The following PTPRD variants were observed in gnomAD, a reference collection of about 807,000 sequenced individuals.
PTPRD encodes protein tyrosine phosphatase receptor type D.
PTPRD carries 34 observed loss-of-function variants against 214.5 expected under a neutral mutation model. That is an observed-to-expected ratio of 0.16 (90% CI 0.12 to 0.21). The LOEUF (loss-of-function observed/expected upper bound fraction) is 0.21. Ranked by LOEUF, PTPRD falls within the 10% of genes least tolerant of loss-of-function variation. The pLI, the probability that PTPRD is intolerant of heterozygous loss-of-function variation, is 1.00. For missense variants in PTPRD, 2,545 were observed against 2,398.7 expected (o/e 1.06, Z -1.27); for synonymous variants, 1,128 against 845.7 (o/e 1.33, Z -5.79).
chr9:10,478,209 A>G (rs978753810), intron 2 of PTPRD, among the ~76,000 whole-genome samples: 2 of 152,190 alleles, frequency 1.3e-5, no homozygotes, highest in Non-Finnish European at 2.9e-5. Flanking sequence ...CTAGAAAAGT[A>G]TAGTCATTAT....
At chr9:9,140,853 C>T (rs1456647774) in intron 10 of PTPRD, among the ~76,000 whole-genome samples, 1 of 152,154 alleles carries the variant, frequency 6.6e-6, no homozygotes, top group Non-Finnish European at 1.5e-5. Flanking sequence ...GCTGGGATTA[C>T]AGGCGTGAGC....
intron 8 of PTPRD, among the ~76,000 whole-genome samples, chr9:9,455,289 A>T (rs2092826908): frequency 6.6e-6 from 1 of 151,604 alleles, no homozygotes; most frequent in African/African-American, 2.4e-5. Flanking sequence ...TTTTTAAAAT[A>T]TTAATTTTTA....
chr9:9,436,307 T>G (rs2085233467), intron 8 of PTPRD, among the ~76,000 whole-genome samples: 1 of 152,154 alleles, frequency 6.6e-6, no homozygotes, highest in Non-Finnish European at 1.5e-5. Context: ...TCACTCCTTC[T>G]AGTTCCCTCC....
At chr9:9,186,722 GTT>G (rs1293241973) in intron 9 of PTPRD, among the ~76,000 whole-genome samples, 1 of 151,404 alleles carries the variant, frequency 6.6e-6, no homozygotes, top group East Asian at 1.9e-4. Context: ...TGCATGGGAA[GTT>G]TTGAAGGCTC....
At chr9:9,275,194 ATATATTAT>A (rs1466216924) in intron 9 of PTPRD, among the ~76,000 whole-genome samples, 1 of 11,042 alleles carries the variant, frequency 9.1e-5, no homozygotes, top group Non-Finnish European at 2.4e-4. Context: ...TTATATATAT[ATATATTAT>A]ATATATATAT....
chr9:10,031,539 C>T (rs562441190), intron 4 of PTPRD, among the ~76,000 whole-genome samples: 6 of 150,462 alleles, frequency 4.0e-5, no homozygotes, highest in African/African-American at 9.9e-5. Context: ...TTGTGAGACT[C>T]GGACTGGCTC....
intron 5 of PTPRD, among the ~76,000 whole-genome samples, chr9:9,770,641 A>G (rs2154481422): frequency 6.6e-6 from 1 of 152,230 alleles, no homozygotes; most frequent in South Asian, 2.1e-4. Context: ...AACCTGTAAA[A>G]TATGAATGTT....
intron 11 of PTPRD, among the ~76,000 whole-genome samples, chr9:8,830,696 C>T (rs2097270433): frequency 6.6e-6 from 1 of 152,066 alleles, no homozygotes; most frequent in Admixed American, 6.6e-5. Context: ...GACACTACTT[C>T]GCTGAAAGGA....
At chr9:9,739,628 TA>T (rs111841764) in intron 6 of PTPRD, among the ~76,000 whole-genome samples, 26 of 150,560 alleles carry the variant, frequency 1.7e-4, no homozygotes, top group Middle Eastern at 3.4e-3. Flanking sequence ...TCAGTTTATT[TA>T]AAAAAAAAAG....
At chr9:8,805,158 G>T (rs1218689885) in intron 11 of PTPRD, among the ~76,000 whole-genome samples, 1 of 152,108 alleles carries the variant, frequency 6.6e-6, no homozygotes, top group East Asian at 1.9e-4. Flanking sequence ...AATGAACCAA[G>T]ATCACCTTCC....
intron 5 of PTPRD, among the ~76,000 whole-genome samples, chr9:9,808,930 C>T (rs1232771140): frequency 6.9e-6 from 1 of 145,018 alleles, no homozygotes; most frequent in East Asian, 2.1e-4. Context: ...GCCACAATGC[C>T]TGGCTAATTT....
intron 5 of PTPRD, among the ~76,000 whole-genome samples, chr9:9,837,453 C>A (rs1181730802): frequency 1.3e-5 from 2 of 152,026 alleles, no homozygotes; most frequent in African/African-American, 4.8e-5. Context: ...GAAGCCTTCC[C>A]CATTGTATTA....
intron 39 of PTPRD, among the ~76,000 whole-genome samples, chr9:8,343,617 C>T (rs1212989111): frequency 1.3e-5 from 2 of 151,984 alleles, no homozygotes; most frequent in African/African-American, 2.4e-5. Context: ...TTTTAATCAT[C>T]CTCTGCCTCA....
chr9:9,351,247 C>T (rs1278664206), intron 9 of PTPRD, among the ~76,000 whole-genome samples: 3 of 151,934 alleles, frequency 2.0e-5, no homozygotes, highest in African/African-American at 4.8e-5. Flanking sequence ...TTCTAAAATA[C>T]ATCTTGTAGG....
intron 2 of PTPRD, among the ~76,000 whole-genome samples, chr9:10,341,957 T>C (rs992854983): frequency 1.3e-5 from 2 of 152,060 alleles, no homozygotes; most frequent in Admixed American, 6.6e-5. Context: ...TCTAGCTTTC[T>C]AACCTTTTGA....
intron 8 of PTPRD, among the ~76,000 whole-genome samples, chr9:9,550,525 A>G (rs900636731): frequency 1.2e-4 from 18 of 148,746 alleles, no homozygotes; most frequent in Non-Finnish European, 2.7e-4. Context: ...TATGTATAGT[A>G]TTATGTATAG....
intron 10 of PTPRD, among the ~76,000 whole-genome samples, chr9:9,028,845 G>T (rs774244894): frequency 1.3e-5 from 2 of 151,912 alleles, no homozygotes; most frequent in Non-Finnish European, 2.9e-5. Flanking sequence ...TAGAATTTAA[G>T]TGAGAGAGCC....
intron 12 of PTPRD, among the ~76,000 whole-genome samples, chr9:8,683,221 T>G (rs73425487): frequency 0.012 from 1,863 of 152,340 alleles, 16 homozygotes; most frequent in African/African-American, 0.016. Flanking sequence ...TCTGAAGGAA[T>G]TCTCTTCAAA....
chr9:10,265,964 A>G (rs1278122148), intron 3 of PTPRD, among the ~76,000 whole-genome samples: 2 of 152,234 alleles, frequency 1.3e-5, no homozygotes, highest in African/African-American at 4.8e-5. Flanking sequence ...GCATTTCTCC[A>G]AATTTATTTT....
Sources: gnomAD v4.1 joint callset for allele counts (sites outside exome capture counted in the v4.1 genomes callset) on GRCh38, gnomAD v4.1.1 for gene constraint, MANE v1.5 for transcripts, NCBI Gene and HGNC (gene_info 2026-07-23, HGNC 2026-07-21) for gene names.